Variants in LYN observed in about 807,000 individuals in gnomAD.
LYN encodes the protein LYN proto-oncogene, Src family tyrosine kinase, also known as tyrosine-protein kinase Lyn.
A neutral mutation model predicts 65.0 loss-of-function variants in LYN; 12 were observed. The observed-to-expected ratio is 0.18, with a 90% confidence interval of 0.12 to 0.30. LYN has a LOEUF of 0.30. LYN is among the 10% of genes least tolerant of loss of function. LYN has a pLI of 1.00. For synonymous variants in LYN, 222 were observed against 221.2 expected (o/e 1.00, Z -0.03); for missense variants, 380 against 623.2 (o/e 0.61, Z 4.16).
At chr8:55,886,267 G>T in intron 1 of LYN, among the ~76,000 whole-genome samples, 1 of 141,256 alleles carries the variant, frequency 7.1e-6, no homozygotes, top group African/African-American at 2.7e-5. Flanking sequence ...TTGAGATGGA[G>T]TCTCGCTCTG....
intron 1 of LYN, among the ~76,000 whole-genome samples, chr8:55,886,232 G>A (rs1585560692): frequency 6.8e-6 from 1 of 147,408 alleles, no homozygotes; most frequent in African/African-American, 2.5e-5. Flanking sequence ...AACAGTGGCT[G>A]TCAAACATCT....
At chr8:55,997,880 C>T (rs528514562) in intron 10 of LYN, among the ~76,000 whole-genome samples, 28 of 152,064 alleles carry the variant, frequency 1.8e-4, no homozygotes, top group Non-Finnish European at 2.6e-4. Context: ...GTCAGGAGAT[C>T]GAGACCATCC....
chr8:55,924,422 G>A (rs1023292015), intron 1 of LYN, among the ~76,000 whole-genome samples: 1 of 151,654 alleles, frequency 6.6e-6, no homozygotes, highest in African/African-American at 2.4e-5. Context: ...GAGTGCAATG[G>A]TGTAATCTTG....
At chr8:55,933,007 G>A (rs1228291090) in intron 1 of LYN, among the ~76,000 whole-genome samples, 2 of 152,114 alleles carry the variant, frequency 1.3e-5, no homozygotes, top group Non-Finnish European at 2.9e-5. Context: ...AAACTATTTG[G>A]TACTATGCTC....
intron 1 of LYN, chr8:55,895,444 T>C (rs2130370648): frequency 7.9e-6 from 1 of 126,480 alleles, no homozygotes; most frequent in Middle Eastern, 3.8e-3. Flanking sequence ...GTTGTGAACT[T>C]TGGGGTGTCT....
rs1563520891 is a variant in LYN at position 55,941,901 on chromosome 8, CGAT to C, written c.44_46del (p.Asp15del). The C allele has an allele frequency of 6.2e-7, 1 of 1,612,014 alleles. No homozygotes were observed. The highest frequency in any genetic ancestry group is 1.1e-5 in the South Asian group (1 of 91,034). On this transcript the variant is annotated inframe_deletion, in exon 2 of 13. Transcript: ENST00000519728. ...CAAAAGGGAAAGACAGCTTGAGTGACGATGGAGTAGATTTGAAGACTCAACCAG... is the reference window on the plus strand; with the variant it reads ...CAAAAGGGAAAGACAGCTTGAGTGACGGAGTAGATTTGAAGACTCAACCAG...
In LYN at chr8:55,964,909, C is replaced by T. The variant is rs181133216; in HGVS notation, c.791-1806C>T. Among the ~76,000 whole-genome samples, 125 of 152,300 alleles carry T rather than the reference C, an allele frequency of 8.2e-4. 1 individual carries two copies. The highest frequency in any genetic ancestry group is 2.8e-3 in the African/African-American group (117 of 41,546). Reference sequence around the variant, plus strand: ...TACTCTTGCACCCTAAAAAGGGGACCGTCCACTCCACGTCACCTTTCCTTA... The same window carrying T: ...TACTCTTGCACCCTAAAAAGGGGACTGTCCACTCCACGTCACCTTTCCTTA... On this transcript the variant is annotated intron_variant, in intron 8 of 12. Transcript: ENST00000519728.
intron 1 of LYN, among the ~76,000 whole-genome samples, chr8:55,936,623 G>C (rs762147434): frequency 1.3e-5 from 2 of 151,974 alleles, no homozygotes; most frequent in Non-Finnish European, 2.9e-5. Context: ...CTGGGTGACA[G>C]AGTGAGACTC....
At chr8:55,910,882 G>C (rs1485548743) in intron 1 of LYN, among the ~76,000 whole-genome samples, 1 of 149,072 alleles carries the variant, frequency 6.7e-6, no homozygotes, top group Non-Finnish European at 1.5e-5. Context: ...CTTGGTTTTT[G>C]GCTTTTTACT....
intron 1 of LYN, among the ~76,000 whole-genome samples, chr8:55,924,078 A>G (rs1276725625): frequency 2.3e-5 from 3 of 133,176 alleles, no homozygotes; most frequent in Admixed American, 7.3e-5. Flanking sequence ...TTTTTTTTTT[A>G]TTATAGCAAC....
intron 8 of LYN, among the ~76,000 whole-genome samples, chr8:55,964,309 C>T (rs559778839): frequency 2.6e-4 from 40 of 152,174 alleles, no homozygotes; most frequent in African/African-American, 8.7e-4. Context: ...AGCGATCCTC[C>T]TGCCTCTCAA....
At chr8:55,889,248 T>TA (rs1334312640) in intron 1 of LYN, among the ~76,000 whole-genome samples, 2 of 152,070 alleles carry the variant, frequency 1.3e-5, no homozygotes, top group Non-Finnish European at 2.9e-5. Context: ...GACCAGGCTG[T>TA]AACCCCAGGC....
At chr8:55,987,655 ATCCACCCACCTCG>A in intron 10 of LYN, among the ~76,000 whole-genome samples, 2 of 152,232 alleles carry the variant, frequency 1.3e-5, no homozygotes, top group Middle Eastern at 6.8e-3. Context: ...GCCTCAAGTG[ATCCACCCACCTCG>A]TCCTCCCAAA....
intron 1 of LYN, among the ~76,000 whole-genome samples, chr8:55,933,002 A>G (rs1806314094): frequency 1.3e-5 from 2 of 152,202 alleles, no homozygotes; most frequent in South Asian, 2.1e-4. Flanking sequence ...CCAAAAAACT[A>G]TTTGGTACTA....
At chr8:55,982,645 C>G (rs1377673268) in intron 10 of LYN, among the ~76,000 whole-genome samples, 1 of 152,134 alleles carries the variant, frequency 6.6e-6, no homozygotes, top group East Asian at 1.9e-4. Flanking sequence ...GTGGTCAGCT[C>G]CGGCTGGCTT....
chr8:55,904,006 C>A (rs200572975), intron 1 of LYN, among the ~76,000 whole-genome samples: 1 of 150,754 alleles, frequency 6.6e-6, no homozygotes, highest in Non-Finnish European at 1.5e-5. Context: ...GACAGAGTCT[C>A]AAAAAAAAAG....
chr8:55,984,779 G>C (rs772346964), intron 10 of LYN, among the ~76,000 whole-genome samples: 3 of 152,216 alleles, frequency 2.0e-5, no homozygotes, highest in Admixed American at 2.0e-4. Context: ...GGCTTCACTC[G>C]GAATGCAGGG....
chr8:55,882,007 C>G (rs1804665105), intron 1 of LYN, among the ~76,000 whole-genome samples: 1 of 152,194 alleles, frequency 6.6e-6, no homozygotes, highest in East Asian at 1.9e-4. Context: ...TTGAAGCCTA[C>G]TGGCCCTTTC....
chr8:55,981,367 A>G (rs922701871), intron 10 of LYN, among the ~76,000 whole-genome samples: 3 of 152,186 alleles, frequency 2.0e-5, no homozygotes, highest in African/African-American at 7.2e-5. Flanking sequence ...AGTGCCTTGT[A>G]TATAGTAGAT....
Sources: allele counts gnomAD v4.1 joint callset (sites outside exome capture counted in the v4.1 genomes callset), GRCh38; gene constraint gnomAD v4.1.1; transcripts MANE v1.5; gene names NCBI Gene and HGNC (gene_info 2026-07-23, HGNC 2026-07-21).